Variants in RNF220 observed in about 807,000 individuals in gnomAD.
The protein encoded by RNF220 is ring finger protein 220.
Under a neutral mutation model 67.1 loss-of-function variants are expected in RNF220, and 7 were observed. The ratio of observed to expected loss-of-function variants is 0.10; its 90% CI spans 0.06 to 0.20. The LOEUF (loss-of-function observed/expected upper bound fraction) is 0.20. Among genes scored for constraint, RNF220 ranks in the 10% least tolerant of loss-of-function variants. RNF220 has a pLI of 1.00. For synonymous variants in RNF220, 270 were observed against 283.2 expected, an observed-to-expected ratio of 0.95 and a Z score of 0.47; for missense variants, 565 against 740.3, an observed-to-expected ratio of 0.76 and a Z score of 2.75.
chr1:44,504,863 T>A (rs1658270904), intron 2 of RNF220, among the ~76,000 whole-genome samples: 2 of 152,178 alleles, frequency 1.3e-5, no homozygotes, highest in African/African-American at 4.8e-5. Flanking sequence ...TCTCCCAATG[T>A]TCCCTTTCAC....
intron 2 of RNF220, among the ~76,000 whole-genome samples, chr1:44,520,896 GT>G (rs942773169): frequency 1.3e-5 from 2 of 152,022 alleles, no homozygotes; most frequent in Non-Finnish European, 2.9e-5. Flanking sequence ...AATGTGATTT[GT>G]TTTTGTTTTT....
intron 1 of RNF220, among the ~76,000 whole-genome samples, chr1:44,407,231 C>T (rs1014341180): frequency 6.6e-6 from 1 of 152,122 alleles, no homozygotes; most frequent in Non-Finnish European, 1.5e-5. Context: ...GCAGCCACAT[C>T]TTGCCTCTCG....
intron 2 of RNF220, among the ~76,000 whole-genome samples, chr1:44,486,016 T>C (rs966219828): frequency 6.6e-6 from 1 of 152,232 alleles, no homozygotes; most frequent in Admixed American, 6.5e-5. Flanking sequence ...AGAGCTATGC[T>C]GTGTCATTTT....
Position 44,552,203 on chromosome 1 carries a change from C to A in RNF220, c.626-61962C>A, listed in dbSNP as rs184889481. Among the ~76,000 whole-genome samples the A allele has an allele frequency of 6.7e-4, 102 of 152,312 alleles. 2 individuals are homozygous for A. The East Asian group carries it at 0.013, about 19-fold the overall frequency. ...CACAATGGCCTCCTTTAGGCTGTCT[C>A]AGATGTGTCCATCATGAATGAAAAT... is the stretch of plus-strand genomic sequence containing the variant. On this transcript the variant is annotated intron_variant, in intron 2 of 14. Coordinates refer to ENST00000361799, the MANE Select transcript of RNF220 (RefSeq NM_018150.4).
chr1:44,587,278 G>T (rs1297370507), intron 2 of RNF220, among the ~76,000 whole-genome samples: 2 of 150,984 alleles, frequency 1.3e-5, no homozygotes, highest in African/African-American at 4.9e-5. Flanking sequence ...CTCCCTACTA[G>T]CTGGGATTAC....
intron 2 of RNF220, chr1:44,423,818 T>C: frequency 1.0e-6 from 1 of 984,986 alleles, no homozygotes; most frequent in Non-Finnish European, 1.2e-6. Context: ...GGGAGGTGCA[T>C]TGCTCAGGCT....
chr1:44,634,979 TCTC>T (rs1356347797), intron 6 of RNF220, among the ~76,000 whole-genome samples: 2 of 152,084 alleles, frequency 1.3e-5, no homozygotes, highest in Admixed American at 6.5e-5. Context: ...TGGGCCTCAG[TCTC>T]CTCTTCTGTG....
At chr1:44,460,257 T>A (rs1653632907) in intron 2 of RNF220, among the ~76,000 whole-genome samples, 1 of 152,184 alleles carries the variant, frequency 6.6e-6, no homozygotes, top group South Asian at 2.1e-4. Flanking sequence ...AGACCCCGGC[T>A]GTGAGAGAAA....
intron 2 of RNF220, among the ~76,000 whole-genome samples, chr1:44,563,570 G>A (rs1037566360): frequency 6.6e-6 from 1 of 152,204 alleles, no homozygotes; most frequent in Non-Finnish European, 1.5e-5. Flanking sequence ...AGTGTGTCCT[G>A]TAGTATGTAT....
chr1:44,496,037 A>G (rs117291921), intron 2 of RNF220, among the ~76,000 whole-genome samples: 1 of 152,222 alleles, frequency 6.6e-6, no homozygotes, highest in East Asian at 1.9e-4. Flanking sequence ...ACTGAATCCT[A>G]AAGACTACGG....
In RNF220 at chr1:44,405,377, A is replaced by G. The variant is rs1416344888; in HGVS notation, c.-271A>G. The G allele has an allele frequency of 9.5e-5, 58 of 611,416 alleles. No individual in the cohort carries two copies. Among genetic ancestry groups the G allele is most frequent in the Middle Eastern group, 3.6e-4 (1 of 2,814 alleles). 37.9% of individuals were successfully genotyped at this position (611,416 alleles called of 1,614,324 possible). ...AACACAAACCCGGGGCCAGCCGCCT[A>G]CTGCTGCTGCTGCTGCTGCCGCTGC... On this transcript the variant is annotated 5_prime_UTR_variant, in exon 1 of 15. Coordinates refer to ENST00000361799, the MANE Select transcript of RNF220 (RefSeq NM_018150.4).
chr1:44,443,731 G>A (rs1298404689), intron 2 of RNF220, among the ~76,000 whole-genome samples: 4 of 152,152 alleles, frequency 2.6e-5, no homozygotes. Context: ...ACAGAAAGGT[G>A]CACAAGACAT....
chr1:44,440,254 G>A (rs1032811488), intron 2 of RNF220, among the ~76,000 whole-genome samples: 3 of 152,212 alleles, frequency 2.0e-5, no homozygotes, highest in African/African-American at 7.2e-5. Context: ...GGACAGAGCA[G>A]GTACTGAACC....
intron 2 of RNF220, among the ~76,000 whole-genome samples, chr1:44,535,533 A>G (rs1476320885): frequency 6.6e-6 from 1 of 152,216 alleles, no homozygotes; most frequent in Non-Finnish European, 1.5e-5. Flanking sequence ...CCCAGAGCCC[A>G]GGCCAGATGT....
chr1:44,614,469 G>A (rs1325487968), intron 3 of RNF220, among the ~76,000 whole-genome samples, 172 bp downstream of exon 3: 1 of 152,198 alleles, frequency 6.6e-6, no homozygotes, highest in Non-Finnish European at 1.5e-5. Flanking sequence ...GCTGAATGGA[G>A]CCACCTTCCT....
intron 2 of RNF220, among the ~76,000 whole-genome samples, chr1:44,507,569 G>T (rs560661311): frequency 1.2e-4 from 18 of 152,034 alleles, no homozygotes; most frequent in Non-Finnish European, 2.5e-4. Flanking sequence ...ATCTCAGCTG[G>T]CCGGCCTCTC....
chr1:44,426,446 G>A (rs182505146), intron 2 of RNF220, among the ~76,000 whole-genome samples: 26 of 152,330 alleles, frequency 1.7e-4, no homozygotes, highest in African/African-American at 6.0e-4. Context: ...GCTTTACTAG[G>A]CCAGGTGTGG....
At chr1:44,528,712 T>C (rs1363132102) in intron 2 of RNF220, among the ~76,000 whole-genome samples, 1 of 151,748 alleles carries the variant, frequency 6.6e-6, no homozygotes, top group Non-Finnish European at 1.5e-5. Context: ...CCTCCCAGGT[T>C]TAAGTGATTC....
At chr1:44,616,512 CA>C (rs1643551620) in intron 3 of RNF220, among the ~76,000 whole-genome samples, 1 of 152,116 alleles carries the variant, frequency 6.6e-6, no homozygotes, top group Admixed American at 6.6e-5. Context: ...TAAGGTTGCA[CA>C]GCTAGTAAGT....
Sources: gnomAD v4.1 joint callset for allele counts (sites outside exome capture counted in the v4.1 genomes callset) on GRCh38, gnomAD v4.1.1 for gene constraint, MANE v1.5 for transcripts, NCBI Gene and HGNC (gene_info 2026-07-23, HGNC 2026-07-21) for gene names.